Variants in LRBA observed in about 807,000 individuals in gnomAD.
LRBA encodes lipopolysaccharide-responsive and beige-like anchor protein.
Under a neutral mutation model 330.0 loss-of-function variants are expected in LRBA, and 176 were observed. That is an observed-to-expected ratio of 0.53 (90% CI 0.47 to 0.60). The LOEUF (loss-of-function observed/expected upper bound fraction) is 0.60, where lower values mean the gene tolerates loss of function less well. Among genes scored for constraint, LRBA ranks in the 20% least tolerant of loss-of-function variants. LRBA has a pLI of 0.00. For synonymous variants in LRBA, 1,230 were observed against 1,193.0 expected (o/e 1.03, Z -0.64); for missense variants, 3,259 against 3,444.8 (o/e 0.95, Z 1.35).
intron 40 of LRBA, among the ~76,000 whole-genome samples, chr4:150,565,561 T>A (rs1444068844): frequency 6.6e-6 from 1 of 152,030 alleles, no homozygotes; most frequent in East Asian, 1.9e-4. Context: ...ATACACAACA[T>A]TGTAGAATAG....
At chr4:150,922,756 A>T (rs1733441075) in intron 4 of LRBA, among the ~76,000 whole-genome samples, 1 of 151,996 alleles carries the variant, frequency 6.6e-6, no homozygotes, top group Admixed American at 6.6e-5. Flanking sequence ...GTACCCCAAT[A>T]ACTTATGGAA....
intron 40 of LRBA, among the ~76,000 whole-genome samples, chr4:150,547,205 G>A (rs909342475): frequency 6.6e-6 from 1 of 151,380 alleles, no homozygotes; most frequent in Non-Finnish European, 1.5e-5. Context: ...ATTGGTATTA[G>A]GTTATTTTTT....
chr4:150,425,620 A>G (rs1018897688), intron 46 of LRBA, among the ~76,000 whole-genome samples: 1 of 152,184 alleles, frequency 6.6e-6, no homozygotes, highest in Non-Finnish European at 1.5e-5. Flanking sequence ...ACTGATATGA[A>G]CAACCTTTGC....
chr4:150,384,677 T>C (rs1742792677), intron 47 of LRBA, among the ~76,000 whole-genome samples: 1 of 152,056 alleles, frequency 6.6e-6, no homozygotes, highest in African/African-American at 2.4e-5. Context: ...AGTAAAACAA[T>C]ATATATTTTG....
At chr4:150,302,024 C>T (rs1729741363) in intron 53 of LRBA, among the ~76,000 whole-genome samples, 1 of 152,060 alleles carries the variant, frequency 6.6e-6, no homozygotes, top group African/African-American at 2.4e-5. Flanking sequence ...TAGCTGCTTC[C>T]TTTTTTGCCT....
At chr4:150,318,787 C>T (rs1392797499) in intron 50 of LRBA, among the ~76,000 whole-genome samples, 2 of 152,116 alleles carry the variant, frequency 1.3e-5, no homozygotes, top group East Asian at 3.9e-4. Flanking sequence ...TGAAGACAAA[C>T]ATCTCTAATG....
chr4:150,961,583 TAGG>T lies in LRBA; in HGVS notation c.217-32521_217-32519del, dbSNP rs1738152744. ...GTCTTATTATTTTTATTAGAAAGGT[TAGG>T]AGGATAGAAGAGAAGCAAGTAGACA... On this transcript the variant is annotated intron_variant, in intron 2 of 56. Coordinates refer to ENST00000651943, the MANE Select transcript of LRBA (RefSeq NM_001364905.1). Among the ~76,000 whole-genome samples, 2 of 149,230 alleles carry T rather than the reference TAGG, an allele frequency of 1.3e-5. 1 individual carries two copies. Among genetic ancestry groups the T allele is most frequent in the African/African-American group, 5.2e-5 (2 of 38,668 alleles).
chr4:150,832,025 C>A, intron 28 of LRBA, 49 bp from the exon 29 acceptor site: 1 of 1,166,670 alleles, frequency 8.6e-7, no homozygotes, highest in South Asian at 2.2e-5. Context: ...AAAATAACAT[C>A]ATTATATTTT....
At chr4:151,005,603 T>G (rs953160394) in intron 2 of LRBA, among the ~76,000 whole-genome samples, 1 of 104,896 alleles carries the variant, frequency 9.5e-6, no homozygotes, top group Non-Finnish European at 1.7e-5. Flanking sequence ...TTACCCAGGC[T>G]TTTTTTTTTT....
chr4:151,000,602 T>TA (rs1308717559), intron 2 of LRBA, among the ~76,000 whole-genome samples: 6 of 152,310 alleles, frequency 3.9e-5, no homozygotes, highest in South Asian at 4.1e-4. Context: ...AGAGCATGGA[T>TA]ACGCTGGACA....
chr4:150,313,565 C>A (rs530190944), intron 51 of LRBA, among the ~76,000 whole-genome samples: 2 of 152,162 alleles, frequency 1.3e-5, no homozygotes, highest in South Asian at 4.1e-4. Context: ...GGGCCAAAGG[C>A]TGAATCCTGC....
chr4:150,664,681 C>G (rs934821609), intron 37 of LRBA, among the ~76,000 whole-genome samples: 5 of 151,928 alleles, frequency 3.3e-5, no homozygotes, highest in African/African-American at 1.2e-4. Flanking sequence ...AATTCCAAGG[C>G]CAAAAAACTA....
intron 40 of LRBA, among the ~76,000 whole-genome samples, chr4:150,545,720 G>A (rs1446089956): frequency 2.6e-5 from 4 of 152,034 alleles, no homozygotes; most frequent in Non-Finnish European, 5.9e-5. Context: ...AGTTAGATTA[G>A]AAGTTATCTT....
At position 150,896,446 on chromosome 4, in the gene LRBA, A is replaced by G. The variant is rs772355092; in HGVS notation, c.2015T>C (p.Val672Ala). ...IKQLVMKDSG[V>A]KEDELQAILN... ...AATGGCCTGTAATTCATCTTCCTTT[A>G]CTCCAGAATCCTTCAAAAACATAAT... The change falls in exon 16 of 57, where the codon GTA becomes GCA. Residue 672 changes from valine (V) to alanine (A), a missense_variant. Physicochemically the swap from Val to Ala is moderately conservative, Grantham distance 64 (BLOSUM62 0). Coordinates refer to ENST00000651943, the MANE Select transcript of LRBA (RefSeq NM_001364905.1). 6.5e-7 allele frequency: 1 copy of G among 1,535,568 alleles called. No individual in the cohort carries two copies. Among genetic ancestry groups the G allele is most frequent in the Admixed American group, 1.8e-5 (1 of 56,390 alleles).
chr4:150,708,679 T>G (rs1157547881), intron 36 of LRBA, among the ~76,000 whole-genome samples: 1 of 151,784 alleles, frequency 6.6e-6, no homozygotes, highest in Non-Finnish European at 1.5e-5. Context: ...GCTAGAAAAT[T>G]GAATTTTTAA....
intron 36 of LRBA, among the ~76,000 whole-genome samples, chr4:150,731,801 C>G (rs1730497117): frequency 1.3e-5 from 2 of 151,994 alleles, no homozygotes; most frequent in Non-Finnish European, 2.9e-5. Context: ...AGACAATAGT[C>G]AATAATAATT....
chr4:150,524,194 T>C (rs1036448761), intron 40 of LRBA, among the ~76,000 whole-genome samples: 17 of 152,164 alleles, frequency 1.1e-4, no homozygotes, highest in East Asian at 1.9e-4. Context: ...GGTCATAAAA[T>C]AGAATAATTG....
intron 22 of LRBA, among the ~76,000 whole-genome samples, chr4:150,866,362 C>A (rs986920905): frequency 3.3e-5 from 5 of 152,046 alleles, no homozygotes; most frequent in African/African-American, 1.2e-4. Flanking sequence ...ACATAGCTAG[C>A]AAAGGATTAA....
Position 150,467,791 on chromosome 4 carries a change from AGGG to A in LRBA, c.6668-9_6668-7del. On this transcript the variant is annotated splice_region_variant and splice_polypyrimidine_tract_variant and intron_variant, in intron 43 of 56. Coordinates refer to ENST00000651943, the MANE Select transcript of LRBA (RefSeq NM_001364905.1). ...TAAGTCATTATAACTCCGTCCTGAT[AGGG>A]AAAAAAGTTACTCGTAATTTATAAT... 7.7e-7 allele frequency: 1 copy of A among 1,295,762 alleles called. No individual in the cohort carries two copies. The highest frequency in any genetic ancestry group is 2.0e-5 in the Admixed American group (1 of 49,852). 80.3% of individuals were successfully genotyped at this position (1,295,762 alleles called of 1,614,324 possible).
Sources: allele counts gnomAD v4.1 joint callset (sites outside exome capture counted in the v4.1 genomes callset), GRCh38; gene constraint gnomAD v4.1.1; transcripts MANE v1.5; gene names NCBI Gene and HGNC (gene_info 2026-07-23, HGNC 2026-07-21).